Variants in ARG2 observed in about 807,000 individuals in gnomAD.
ARG2 encodes arginase-2, mitochondrial.
Under a neutral mutation model 39.4 loss-of-function variants are expected in ARG2, and 21 were observed. The observed-to-expected ratio is 0.53, with a 90% CI of 0.38 to 0.77. The LOEUF (loss-of-function observed/expected upper bound fraction) is 0.77. Among genes scored for constraint, ARG2 ranks in the 30% least tolerant of loss-of-function variants. The probability of loss-of-function intolerance (pLI) is 0.00; values close to 1 mark genes in which losing one functional copy is unlikely to be tolerated. For synonymous variants in ARG2, 150 were observed against 156.7 expected (o/e 0.96, Z 0.32); for missense variants, 378 against 426.2 (o/e 0.89, Z 1.00).
At chr14:67,635,027 C>T (rs2036956808) in intron 2 of ARG2, among the ~76,000 whole-genome samples, 1 of 152,136 alleles carries the variant, frequency 6.6e-6, no homozygotes, top group South Asian at 2.1e-4. Flanking sequence ...GGTGGATCGC[C>T]TGAGGCCAGG....
intron 2 of ARG2, among the ~76,000 whole-genome samples, chr14:67,629,341 C>T (rs111695267): frequency 0.013 from 1,996 of 152,232 alleles, 49 homozygotes; most frequent in African/African-American, 0.045. Context: ...AAAGCCTCAT[C>T]TGTTTAAGAA....
intron 2 of ARG2, among the ~76,000 whole-genome samples, chr14:67,627,025 A>T (rs1448517237): frequency 6.6e-6 from 1 of 152,178 alleles, no homozygotes; most frequent in Non-Finnish European, 1.5e-5. Flanking sequence ...GCAAAGCCAT[A>T]AAGACAGAAA....
In ARG2 at chr14:67,651,068, A is replaced by G; in HGVS notation, c.*148A>G. ...CTCACAATTGTAAAGTTTCCCCTCT[A>G]TTTTGGTGACCAATACTACTGTAAA... is the stretch of plus-strand genomic sequence containing the variant. On this transcript the variant is annotated 3_prime_UTR_variant, in exon 8 of 8. Coordinates refer to ENST00000261783, the MANE Select transcript of ARG2 (RefSeq NM_001172.4). The G allele has an allele frequency of 2.9e-6, 3 of 1,047,682 alleles. No homozygotes were observed. Among genetic ancestry groups the G allele is most frequent in the Non-Finnish European group, 4.1e-6 (3 of 724,446 alleles). The allele number at this position is 1,047,682 out of a possible 1,614,324, so 64.9% of individuals were successfully genotyped here. A position where few individuals can be genotyped will look rare whatever the true frequency, so the allele number is the denominator to read the frequency against.
intron 2 of ARG2, among the ~76,000 whole-genome samples, chr14:67,632,294 T>C (rs1178099859): frequency 6.6e-6 from 1 of 152,218 alleles, no homozygotes; most frequent in African/African-American, 2.4e-5. Context: ...TATTCAAACA[T>C]AATGAAAGTA....
chr14:67,651,678 A>G lies in ARG2; in HGVS notation c.*758A>G, dbSNP rs994648130. 3.5e-5 allele frequency: 16 copies of G among 455,712 alleles called. No homozygotes were observed. The highest frequency in any genetic ancestry group is 7.9e-5 in the Admixed American group (2 of 25,294). The allele number at this position is 455,712 out of a possible 1,614,324, so 28.2% of individuals were successfully genotyped here. A position where few individuals can be genotyped will look rare whatever the true frequency, so the allele number is the denominator to read the frequency against. ...CACTGTCTACCTCACAGAAATGTTA[A>G]ACTGAGACAATAAAAACCAAAGCAT... On this transcript the variant is annotated 3_prime_UTR_variant, in exon 8 of 8. Coordinates refer to ENST00000261783, the MANE Select transcript of ARG2 (RefSeq NM_001172.4).
intron 3 of ARG2, among the ~76,000 whole-genome samples, chr14:67,644,806 G>A (rs1382194226): frequency 1.3e-5 from 2 of 152,060 alleles, no homozygotes; most frequent in African/African-American, 4.8e-5. Flanking sequence ...AGACCAGCCT[G>A]GCCAACATGT....
intron 3 of ARG2, 109 bp from the exon 4 acceptor site, chr14:67,645,534 C>A: frequency 1.6e-6 from 2 of 1,250,510 alleles, no homozygotes; most frequent in Non-Finnish European, 2.2e-6. Context: ...TCCATCTAGG[C>A]CCTGGCTTTG....
intron 4 of ARG2, among the ~76,000 whole-genome samples, chr14:67,646,012 G>C (rs761101186): frequency 2.6e-5 from 4 of 152,158 alleles, no homozygotes; most frequent in Non-Finnish European, 4.4e-5. Context: ...AAGCAAGGAG[G>C]GGGTAGTAAC....
chr14:67,647,537 C>T (rs1207856470), intron 6 of ARG2: 1 of 155,984 alleles, frequency 6.4e-6, no homozygotes, highest in Non-Finnish European at 1.4e-5. Flanking sequence ...AGCCTTTGGA[C>T]ACTGGGGCTA....
At chr14:67,620,815 G>A in intron 1 of ARG2, 79 bp from the exon 2 acceptor site, 1 of 1,439,014 alleles carries the variant, frequency 6.9e-7, no homozygotes, top group Non-Finnish European at 9.8e-7. Context: ...AGAGGAACCT[G>A]CTGGGAACTA....
intron 3 of ARG2, among the ~76,000 whole-genome samples, chr14:67,644,997 T>TA (rs558540535): frequency 0.01 from 1,347 of 132,398 alleles, 23 homozygotes; most frequent in East Asian, 0.097. Flanking sequence ...GACTCCGTCT[T>TA]AAAAAAAAAA....
chr14:67,619,931 C>T lies in ARG2; in HGVS notation c.-47C>T, dbSNP rs754270476. 5.2e-6 allele frequency: 7 copies of T among 1,353,620 alleles called. No homozygotes were observed. In the South Asian group the frequency reaches 9.9e-5, roughly 19 times the overall value. 83.9% of individuals were successfully genotyped at this position (1,353,620 alleles called of 1,614,324 possible). A position where few individuals can be genotyped will look rare whatever the true frequency, so the allele number is the denominator to read the frequency against. ...GGGCGGTGGCGCTCACTCCCGGCTT[C>T]CAACCGCGCGGAGCCTCTGCCTTGG... On this transcript the variant is annotated 5_prime_UTR_variant, in exon 1 of 8. Transcript: ENST00000261783.
intron 7 of ARG2, 195 bp from the exon 8 acceptor site, chr14:67,650,520 A>G (rs1406431726): frequency 6.6e-6 from 4 of 601,988 alleles, no homozygotes; most frequent in Admixed American, 2.9e-5. Flanking sequence ...TTAATCTACT[A>G]TAGCACAACA....
At chr14:67,644,097 G>A (rs970795705) in intron 3 of ARG2, among the ~76,000 whole-genome samples, 1 of 152,132 alleles carries the variant, frequency 6.6e-6, no homozygotes, top group Non-Finnish European at 1.5e-5. Flanking sequence ...TTCTTTTCCT[G>A]TGGCTATCTA....
intron 2 of ARG2, among the ~76,000 whole-genome samples, chr14:67,639,657 A>T (rs944865234): frequency 2.6e-5 from 4 of 152,176 alleles, no homozygotes; most frequent in African/African-American, 9.7e-5. Flanking sequence ...GCAGTGGCTC[A>T]TGCCTGTAAT....
intron 2 of ARG2, among the ~76,000 whole-genome samples, chr14:67,622,219 TA>T (rs1384055719): frequency 6.6e-6 from 1 of 152,248 alleles, no homozygotes; most frequent in Non-Finnish European, 1.5e-5. Flanking sequence ...TCTGGTGACA[TA>T]AGTGCAAAAT....
chr14:67,643,606 T>C (rs1048032695), intron 3 of ARG2, among the ~76,000 whole-genome samples: 1 of 152,290 alleles, frequency 6.6e-6, no homozygotes, highest in Admixed American at 6.5e-5. Flanking sequence ...GGAGGATTGC[T>C]TGAGCCCAGG....
intron 7 of ARG2, chr14:67,650,347 G>A: frequency 7.6e-6 from 2 of 262,662 alleles, no homozygotes; most frequent in Non-Finnish European, 1.5e-5. Context: ...GCATCTGGAA[G>A]GTTCCTAGTC....
intron 3 of ARG2, among the ~76,000 whole-genome samples, chr14:67,643,987 T>C (rs548974920): frequency 1.7e-4 from 26 of 152,194 alleles, no homozygotes; most frequent in Admixed American, 1.2e-3. Flanking sequence ...TTTCTCAGTG[T>C]AGTCTCTGGA....
Sources: allele counts gnomAD v4.1 joint callset (sites outside exome capture counted in the v4.1 genomes callset), GRCh38; gene constraint gnomAD v4.1.1; transcripts MANE v1.5; gene names NCBI Gene and HGNC (gene_info 2026-07-23, HGNC 2026-07-21).